Variants in SLC35F3 observed in about 807,000 individuals in gnomAD.
The protein encoded by SLC35F3 is solute carrier family 35 member F3.
In SLC35F3, 25 loss-of-function variants were observed where a neutral mutation model predicts 49.9. That is an observed-to-expected ratio of 0.50 (90% CI 0.37 to 0.70). The LOEUF (loss-of-function observed/expected upper bound fraction) is 0.70, where lower values mean the gene tolerates loss of function less well. Ranked by LOEUF, SLC35F3 falls within the 30% of genes least tolerant of loss-of-function variation. The pLI, the probability that SLC35F3 is intolerant of heterozygous loss-of-function variation, is 0.00. For synonymous variants in SLC35F3, 275 were observed against 265.4 expected (o/e 1.04, Z -0.35); for missense variants, 525 against 639.8 (o/e 0.82, Z 1.94).
At chr1:234,010,729 C>T (rs1663704849) in intron 2 of SLC35F3, among the ~76,000 whole-genome samples, 1 of 151,746 alleles carries the variant, frequency 6.6e-6, no homozygotes, top group Non-Finnish European at 1.5e-5. Flanking sequence ...TTTAGGTGCT[C>T]CAATGTTAGA....
intron 2 of SLC35F3, among the ~76,000 whole-genome samples, chr1:233,970,886 G>A (rs1662979883): frequency 6.6e-6 from 1 of 152,198 alleles, no homozygotes; most frequent in Non-Finnish European, 1.5e-5. Flanking sequence ...CTTTGTTATG[G>A]CAGTCCTAGC....
chr1:234,034,679 C>A lies in SLC35F3; in HGVS notation c.283+128921C>A, dbSNP rs1314443015. 5.3e-5 allele frequency among the ~76,000 whole-genome samples: 8 copies of A among 152,182 alleles called. No homozygotes were observed. In the East Asian group the frequency reaches 1.5e-3, roughly 29 times the overall value. ...GGGATTATAGGCACGTGCCACCACA[C>A]CCGGCTAATTTTTTTGTATTTTTGG... On this transcript the variant is annotated intron_variant, in intron 2 of 7. Coordinates refer to ENST00000366618, the MANE Select transcript of SLC35F3 (RefSeq NM_173508.4).
At chr1:233,922,066 A>G (rs1662071677) in intron 2 of SLC35F3, among the ~76,000 whole-genome samples, 1 of 152,172 alleles carries the variant, frequency 6.6e-6, no homozygotes, top group Non-Finnish European at 1.5e-5. Flanking sequence ...GCTTGGTTCC[A>G]AGTCTTTGCT....
At chr1:233,995,984 G>C (rs971305135) in intron 2 of SLC35F3, among the ~76,000 whole-genome samples, 1 of 152,118 alleles carries the variant, frequency 6.6e-6, no homozygotes, top group Non-Finnish European at 1.5e-5. Context: ...TGAGTGCCTG[G>C]CAGACTTATC....
chr1:233,911,524 G>A (rs1263951334), intron 2 of SLC35F3, among the ~76,000 whole-genome samples: 5 of 152,096 alleles, frequency 3.3e-5, no homozygotes, highest in African/African-American at 1.2e-4. Flanking sequence ...TAGTTTCTGA[G>A]TTTTGATGTA....
At chr1:233,989,012 A>G (rs1047509063) in intron 2 of SLC35F3, among the ~76,000 whole-genome samples, 1 of 152,228 alleles carries the variant, frequency 6.6e-6, no homozygotes, top group Non-Finnish European at 1.5e-5. Flanking sequence ...ATCCAAAAAT[A>G]TAAAGAATTT....
At chr1:234,285,330 T>C in intron 3 of SLC35F3, 1 of 483,334 alleles carries the variant, frequency 2.1e-6, no homozygotes, top group Non-Finnish European at 4.2e-6. Flanking sequence ...GGGTGGAAAA[T>C]ACATCCGCAG....
chr1:234,284,435 C>T (rs1668378523), intron 3 of SLC35F3, among the ~76,000 whole-genome samples: 1 of 152,138 alleles, frequency 6.6e-6, no homozygotes, highest in African/African-American at 2.4e-5. Flanking sequence ...TAAATATTTC[C>T]TTCGCACTCT....
At chr1:234,031,195 T>C (rs923227865) in intron 2 of SLC35F3, among the ~76,000 whole-genome samples, 1 of 152,234 alleles carries the variant, frequency 6.6e-6, no homozygotes, top group African/African-American at 2.4e-5. Context: ...TGGGTGCAGA[T>C]GGTCTTTCCA....
chr1:234,026,301 A>C (rs2102845724), intron 2 of SLC35F3, among the ~76,000 whole-genome samples: 1 of 152,290 alleles, frequency 6.6e-6, no homozygotes, highest in South Asian at 2.1e-4. Flanking sequence ...GTTCAGTATG[A>C]ATTTTAGAAT....
intron 2 of SLC35F3, among the ~76,000 whole-genome samples, chr1:234,099,607 T>TAAAA (rs34510298): frequency 6.8e-5 from 6 of 87,600 alleles, no homozygotes; most frequent in East Asian, 4.0e-4. Context: ...AGACTCTGTC[T>TAAAA]AAAAAAAAAA....
At chr1:233,952,328 T>C (rs1036670492) in intron 2 of SLC35F3, among the ~76,000 whole-genome samples, 3 of 152,200 alleles carry the variant, frequency 2.0e-5, no homozygotes, top group African/African-American at 7.2e-5. Flanking sequence ...TTTGACTACT[T>C]ATCTTGGAAG....
At chr1:233,976,420 C>T (rs1479195941) in intron 2 of SLC35F3, among the ~76,000 whole-genome samples, 1 of 152,180 alleles carries the variant, frequency 6.6e-6, no homozygotes, top group African/African-American at 2.4e-5. Flanking sequence ...ATATATCCAG[C>T]ACAACTTCAG....
intron 2 of SLC35F3, among the ~76,000 whole-genome samples, chr1:234,164,558 C>T (rs1044573956): frequency 6.6e-6 from 1 of 152,098 alleles, no homozygotes; most frequent in African/African-American, 2.4e-5. Flanking sequence ...GGCCACGTGG[C>T]TTGCACAGAC....
chr1:234,139,175 G>A (rs1665852274), intron 2 of SLC35F3, among the ~76,000 whole-genome samples: 1 of 152,124 alleles, frequency 6.6e-6, no homozygotes, highest in Non-Finnish European at 1.5e-5. Flanking sequence ...TCCCAAAGTG[G>A]CCATTTCTTC....
At chr1:234,177,016 A>G (rs1666486533) in intron 2 of SLC35F3, among the ~76,000 whole-genome samples, 2 of 152,152 alleles carry the variant, frequency 1.3e-5, no homozygotes, top group East Asian at 3.9e-4. Context: ...CTCATCTTGA[A>G]TTGTAATTCC....
At chr1:233,956,690 T>C (rs1558189033) in intron 2 of SLC35F3, among the ~76,000 whole-genome samples, 1 of 152,188 alleles carries the variant, frequency 6.6e-6, no homozygotes, top group Non-Finnish European at 1.5e-5. Context: ...ACCTTTTCCA[T>C]GGAAGGCAAC....
intron 2 of SLC35F3, among the ~76,000 whole-genome samples, chr1:233,917,344 C>T (rs1383393895): frequency 2.0e-5 from 3 of 152,194 alleles, no homozygotes; most frequent in Non-Finnish European, 4.4e-5. Context: ...GGAGATACTT[C>T]AGGAAACTTC....
rs1347717749 is a variant in SLC35F3, at chr1:233,938,695, TG to T, written c.283+32939del. Among the ~76,000 whole-genome samples the T allele has an allele frequency of 3.5e-3, 533 of 151,206 alleles. 4 individuals are homozygous for T. Among genetic ancestry groups the T allele is most frequent in the African/African-American group, 0.012 (487 of 41,124 alleles). ...GTGGGTGGATGGATGGATGGATGGA[TG>T]GATGAATGGATGGATGGATGGATGG... On this transcript the variant is annotated intron_variant, in intron 2 of 7. Coordinates refer to ENST00000366618, the MANE Select transcript of SLC35F3 (RefSeq NM_173508.4).
Sources: allele counts gnomAD v4.1 joint callset (sites outside exome capture counted in the v4.1 genomes callset), GRCh38; gene constraint gnomAD v4.1.1; transcripts MANE v1.5; gene names NCBI Gene and HGNC (gene_info 2026-07-23, HGNC 2026-07-21).